The following NIBAN2 variants were observed in gnomAD, a reference collection of about 807,000 sequenced individuals.
The protein encoded by NIBAN2 is niban apoptosis regulator 2.
Under a neutral mutation model 81.8 loss-of-function variants are expected in NIBAN2, and 36 were observed. The observed-to-expected ratio is 0.44, with a 90% CI of 0.34 to 0.58. The LOEUF is 0.58. Among genes scored for constraint, NIBAN2 ranks in the 20% least tolerant of loss-of-function variants. The pLI is 0.02. For synonymous variants in NIBAN2, 445 were observed against 441.6 expected (o/e 1.01, Z -0.10); for missense variants, 897 against 1,014.1 (o/e 0.88, Z 1.57).
chr9:127,506,700 TG>T lies in NIBAN2; in HGVS notation c.*144del. On this transcript the variant is annotated 3_prime_UTR_variant, in exon 14 of 14. Coordinates refer to ENST00000373312, the MANE Select transcript of NIBAN2 (RefSeq NM_022833.4). ...ACTGAACCCAATAAAGTGACTCAGG[TG>T]GGCCCGCTCCCTGGCGGTGCCACAC... 5.1e-6 allele frequency: 3 copies of T among 584,766 alleles called. No individual in the cohort carries two copies. Among genetic ancestry groups the T allele is most frequent in the Non-Finnish European group, 8.5e-6 (3 of 352,684 alleles). 36.2% of individuals were successfully genotyped at this position (584,766 alleles called of 1,614,324 possible).
At chr9:127,509,794 CCCTCCTCTCCTTCCCTCCTT>C (rs1564294148) in intron 9 of NIBAN2, 18 of 64,156 alleles carry the variant, frequency 2.8e-4, no homozygotes, top group African/African-American at 1.1e-3. Flanking sequence ...TTCCCTCCTT[CCCTCCTCTCCTTCCCTCCTT>C]CCCTCCTCTC....
chr9:127,538,097 G>C (rs1219380908), intron 1 of NIBAN2, among the ~76,000 whole-genome samples: 3 of 152,184 alleles, frequency 2.0e-5, no homozygotes, highest in Non-Finnish European at 4.4e-5. Flanking sequence ...CACACTTGTG[G>C]GTTTGTTGTG....
intron 1 of NIBAN2, among the ~76,000 whole-genome samples, chr9:127,552,339 G>A (rs1837591105): frequency 6.6e-6 from 1 of 152,252 alleles, no homozygotes; most frequent in South Asian, 2.1e-4. Flanking sequence ...TTGGGAGGCT[G>A]AGGCAGGAGG....
chr9:127,527,086 G>A (rs1314238224), intron 3 of NIBAN2, 108 bp downstream of exon 3: 4 of 1,403,870 alleles, frequency 2.8e-6, no homozygotes, highest in South Asian at 2.4e-5. Flanking sequence ...TGGTGACCGC[G>A]TGCAGGCTGT....
In NIBAN2 at chr9:127,535,692, C is replaced by T. The variant is rs917515524; in HGVS notation, c.56-3914G>A. Among the ~76,000 whole-genome samples the T allele has an allele frequency of 9.9e-5, 15 of 152,152 alleles. No homozygotes were observed. The South Asian group carries it at 2.5e-3, about 25-fold the overall frequency. ...CGTTGGCCCCAGGTGGGGCTGGAGT[C>T]GCTCACTATCCAGGCTTGCTCTCAG... is the stretch of plus-strand genomic sequence containing the variant. On this transcript the variant is annotated intron_variant, in intron 1 of 13. Transcript: ENST00000373312.
chr9:127,573,443 T>C (rs557487555), upstream of NIBAN2, among the ~76,000 whole-genome samples: 1 of 92,344 alleles, frequency 1.1e-5, no homozygotes, highest in Non-Finnish European at 2.0e-5. Context: ...AATGAAGTTA[T>C]TTGCCCTTTT....
At chr9:127,550,165 C>A (rs1564314639) in intron 1 of NIBAN2, among the ~76,000 whole-genome samples, 1 of 152,122 alleles carries the variant, frequency 6.6e-6, no homozygotes, top group Admixed American at 6.5e-5. Context: ...CCTGGACAAG[C>A]CCCCCACCCT....
intron 1 of NIBAN2, among the ~76,000 whole-genome samples, chr9:127,552,043 C>T (rs1837586071): frequency 6.6e-6 from 1 of 152,148 alleles, no homozygotes; most frequent in Non-Finnish European, 1.5e-5. Context: ...GTTATGGCTG[C>T]TCCCTGGCTC....
chr9:127,561,105 C>CA (rs1433873868), intron 1 of NIBAN2: 14 of 985,082 alleles, frequency 1.4e-5, no homozygotes, highest in Non-Finnish European at 1.7e-5. Context: ...TGTGCACTGC[C>CA]AAATGCCAGG....
intron 4 of NIBAN2, chr9:127,524,821 G>C (rs527877286): frequency 2.5e-4 from 109 of 433,880 alleles, no homozygotes; most frequent in Non-Finnish European, 3.7e-4. Context: ...AACTCCTGAC[G>C]AACACAGTGC....
intron 8 of NIBAN2, among the ~76,000 whole-genome samples, chr9:127,510,670 C>CGT (rs2132154985): frequency 6.6e-6 from 1 of 152,148 alleles, no homozygotes; most frequent in South Asian, 2.1e-4. Context: ...CTCCTCACCT[C>CGT]GTGATCCACC....
At chr9:127,523,425 G>T (rs1003031415) in intron 5 of NIBAN2, among the ~76,000 whole-genome samples, 4 of 151,078 alleles carry the variant, frequency 2.6e-5, no homozygotes, top group Non-Finnish European at 5.9e-5. Context: ...TTGTGACTCA[G>T]GGTCCAAGGG....
At chr9:127,519,678 ACG>A in intron 5 of NIBAN2, among the ~76,000 whole-genome samples, 1 of 152,194 alleles carries the variant, frequency 6.6e-6, no homozygotes, top group Admixed American at 6.5e-5. Flanking sequence ...CTGGATGGGG[ACG>A]GGGGCCTGTG....
chr9:127,510,169 C>T lies in NIBAN2; in HGVS notation c.1138G>A (p.Gly380Ser). Residue 380 changes from glycine to serine, a missense_variant, in exon 9 of 14, where the codon GGC becomes AGC. By Grantham distance (56) the Gly-to-Ser change is moderately conservative. Coordinates refer to ENST00000373312, the MANE Select transcript of NIBAN2 (RefSeq NM_022833.4). The stretch of plus-strand genomic sequence containing the variant: ...ACCTCGCCCAGCTTGTCAATGCCGC[C>T]CTCGTTGATGACGTTCAGGTTCATG... ...TDMNLNVINE[G>S]GIDKLGEYME... 5 of 1,613,114 alleles carry T rather than the reference C, an allele frequency of 3.1e-6. No individual in the cohort carries two copies. Among genetic ancestry groups the T allele is most frequent in the Non-Finnish European group, 4.2e-6 (5 of 1,179,298 alleles).
intron 2 of NIBAN2, among the ~76,000 whole-genome samples, chr9:127,528,905 G>A (rs1478219550): frequency 6.6e-6 from 1 of 152,214 alleles, no homozygotes; most frequent in East Asian, 1.9e-4. Flanking sequence ...TCCGGGACAG[G>A]GCCAGTCCCA....
chr9:127,552,856 TA>T (rs964485121), intron 1 of NIBAN2, among the ~76,000 whole-genome samples: 1 of 152,014 alleles, frequency 6.6e-6, no homozygotes, highest in Non-Finnish European at 1.5e-5. Context: ...CACGCCTGGC[TA>T]ATTTTTGTAT....
intron 1 of NIBAN2, among the ~76,000 whole-genome samples, chr9:127,560,965 T>A (rs1397694475): frequency 6.6e-6 from 1 of 152,186 alleles, no homozygotes; most frequent in South Asian, 2.1e-4. Flanking sequence ...CAGAGAGGCA[T>A]GGCCATTGGG....
Position 127,507,935 on chromosome 9 carries a change from C to G in NIBAN2, c.1586G>C (p.Arg529Thr), listed in dbSNP as rs1312435928. 2.5e-6 allele frequency: 4 copies of G among 1,614,202 alleles called. No individual in the cohort carries two copies. The East Asian group carries it at 6.7e-5, about 27-fold the overall frequency. Residue 529 changes from arginine (R) to threonine (T), a missense_variant, in exon 13 of 14, where the codon AGG (arginine) becomes ACG (threonine). By Grantham distance (71) the Arg-to-Thr change is moderately conservative. Coordinates refer to ENST00000373312, the MANE Select transcript of NIBAN2 (RefSeq NM_022833.4). The surrounding 1 kb of genome is among the most constrained non-coding windows in gnomAD (Gnocchi z 6.8). ...GTACGTGTTTTCCACCAGGATGAAC[C>G]TGGCAAAGTCCTCGAAGATCAGCTC... is the stretch of plus-strand genomic sequence containing the variant. The part of the protein sequence containing the change: ...FQELIFEDFA[R>T]FILVENTYEE...
At chr9:127,557,462 G>A (rs1430856542) in intron 1 of NIBAN2, among the ~76,000 whole-genome samples, 1 of 144,026 alleles carries the variant, frequency 6.9e-6, no homozygotes, top group Non-Finnish European at 1.5e-5. Flanking sequence ...CCACACAGGG[G>A]ACTGCAGGAA....
Sources: allele counts gnomAD v4.1 joint callset (sites outside exome capture counted in the v4.1 genomes callset), GRCh38; gene constraint gnomAD v4.1.1; non-coding constraint Gnocchi (gnomAD v3.1); transcripts MANE v1.5; gene names NCBI Gene and HGNC (gene_info 2026-07-23, HGNC 2026-07-21).